Variants in EVI5 observed in about 807,000 individuals in gnomAD.
EVI5 encodes the protein ecotropic viral integration site 5.
Under a neutral mutation model 112.0 loss-of-function variants are expected in EVI5, and 73 were observed. That is an observed-to-expected ratio of 0.65 (90% CI 0.54 to 0.79). The LOEUF is 0.79. Among genes scored for constraint, EVI5 ranks in the 30% least tolerant of loss-of-function variants. EVI5 has a pLI of 0.00. For missense variants in EVI5, 900 were observed against 968.8 expected, an observed-to-expected ratio of 0.93 and a Z score of 0.94; for synonymous variants, 305 against 319.9, an observed-to-expected ratio of 0.95 and a Z score of 0.50.
chr1:92,626,238 C>T (rs777069955), intron 14 of EVI5, among the ~76,000 whole-genome samples: 17 of 152,288 alleles, frequency 1.1e-4, no homozygotes, highest in Admixed American at 3.3e-4. Context: ...CCCTGGCAAC[C>T]ACCAATCTAC....
chr1:92,581,059 C>T (rs1162060330), intron 18 of EVI5, among the ~76,000 whole-genome samples: 3 of 152,126 alleles, frequency 2.0e-5, no homozygotes, highest in Non-Finnish European at 4.4e-5. Flanking sequence ...AATTGTTGTG[C>T]TATTTCTTTT....
intron 2 of EVI5, among the ~76,000 whole-genome samples, chr1:92,730,885 G>T (rs1389148431): frequency 6.6e-6 from 1 of 152,028 alleles, no homozygotes; most frequent in Non-Finnish European, 1.5e-5. Context: ...CATCCAGATT[G>T]GAAAGAAGCA....
At chr1:92,650,260 A>AT (rs1557995964) in intron 13 of EVI5, among the ~76,000 whole-genome samples, 1 of 152,132 alleles carries the variant, frequency 6.6e-6, no homozygotes, top group Non-Finnish European at 1.5e-5. Context: ...TCTGTAGGTG[A>AT]TTTTGGGTAG....
intron 18 of EVI5, among the ~76,000 whole-genome samples, chr1:92,591,734 G>T (rs1673947683): frequency 6.6e-6 from 1 of 152,124 alleles, no homozygotes. Flanking sequence ...TCCAGGAATT[G>T]AACTCAGCTC....
intron 16 of EVI5, among the ~76,000 whole-genome samples, chr1:92,623,924 G>A (rs1372858239): frequency 1.3e-5 from 2 of 152,228 alleles, no homozygotes; most frequent in African/African-American, 4.8e-5. Context: ...ACAGGGCAAT[G>A]CTATGAGTTT....
chr1:92,585,531 G>C (rs1211639673), intron 18 of EVI5, among the ~76,000 whole-genome samples: 1 of 152,034 alleles, frequency 6.6e-6, no homozygotes, highest in African/African-American at 2.4e-5. Flanking sequence ...CTAAAAGGTA[G>C]AAAATATTCC....
chr1:92,782,713 C>G (rs191790634), intron 1 of EVI5, among the ~76,000 whole-genome samples: 112 of 152,280 alleles, frequency 7.4e-4, no homozygotes, highest in Non-Finnish European at 1.2e-3. Flanking sequence ...ACCCACGTAC[C>G]TATAAAACCA....
chr1:92,555,281 C>A (rs1667505992), intron 19 of EVI5, among the ~76,000 whole-genome samples: 1 of 152,116 alleles, frequency 6.6e-6, no homozygotes, highest in South Asian at 2.1e-4. Context: ...CTAATACTTT[C>A]TATTATAAAA....
At chr1:92,771,891 G>A (rs909066325) in intron 1 of EVI5, among the ~76,000 whole-genome samples, 1 of 151,938 alleles carries the variant, frequency 6.6e-6, no homozygotes, top group African/African-American at 2.4e-5. Context: ...GTCTCGCTCT[G>A]TCGCCCAGGC....
intron 2 of EVI5, chr1:92,714,068 AG>A (rs1673245781): frequency 3.0e-6 from 3 of 984,024 alleles, no homozygotes; most frequent in South Asian, 4.7e-5. Context: ...TTAACACACA[AG>A]GGGGAAAAAA....
chr1:92,566,803 C>CA (rs777444096), intron 18 of EVI5, among the ~76,000 whole-genome samples: 6 of 97,880 alleles, frequency 6.1e-5, no homozygotes, highest in Non-Finnish European at 8.2e-5. Flanking sequence ...TGTGTGCCTG[C>CA]TTTTTTTTTT....
intron 17 of EVI5, among the ~76,000 whole-genome samples, chr1:92,606,367 A>G (rs566516270): frequency 6.6e-6 from 1 of 152,232 alleles, no homozygotes; most frequent in Non-Finnish European, 1.5e-5. Context: ...GAAAACTAAC[A>G]CCAATAATAA....
intron 2 of EVI5, chr1:92,732,318 C>T: frequency 5.0e-6 from 2 of 399,254 alleles, no homozygotes; most frequent in Admixed American, 5.5e-5. Context: ...ATCCCAAAGC[C>T]TTACATGACT....
chr1:92,589,686 G>C (rs990896010), intron 18 of EVI5, among the ~76,000 whole-genome samples: 1 of 152,170 alleles, frequency 6.6e-6, no homozygotes, highest in Non-Finnish European at 1.5e-5. Context: ...TCCACCTCTG[G>C]GGGCAGGGCA....
chr1:92,653,791 CAAA>C (rs1284515980), intron 13 of EVI5, among the ~76,000 whole-genome samples: 2 of 152,210 alleles, frequency 1.3e-5, no homozygotes, highest in Non-Finnish European at 2.9e-5. Flanking sequence ...GACTCCAAAA[CAAA>C]GACATTCTGG....
At chr1:92,554,075 C>T (rs1294490666) in intron 19 of EVI5, among the ~76,000 whole-genome samples, 1 of 152,144 alleles carries the variant, frequency 6.6e-6, no homozygotes, top group Non-Finnish European at 1.5e-5. Context: ...AGCTACAATG[C>T]TAGTAGCACC....
At chr1:92,663,119 A>C (rs959500902) in intron 12 of EVI5, among the ~76,000 whole-genome samples, 15 of 152,242 alleles carry the variant, frequency 9.9e-5, no homozygotes, top group African/African-American at 3.4e-4. Flanking sequence ...AATATTACTG[A>C]GTTGTACATG....
At chr1:92,605,130 T>C (rs1650077285) in intron 18 of EVI5, among the ~76,000 whole-genome samples, 177 bp downstream of exon 18, 1 of 152,144 alleles carries the variant, frequency 6.6e-6, no homozygotes, top group Non-Finnish European at 1.5e-5. Flanking sequence ...GCTGCAGAAC[T>C]GTATACTTTA....
At chr1:92,607,928 A>G (rs6668283) in intron 16 of EVI5, among the ~76,000 whole-genome samples, 139,973 of 151,926 alleles carry the variant, frequency 0.92, 64,571 homozygotes, top group East Asian at 0.97. Context: ...GGCGGATCAC[A>G]AGGTCAGGAG....
Sources: allele counts gnomAD v4.1 joint callset (sites outside exome capture counted in the v4.1 genomes callset), GRCh38; gene constraint gnomAD v4.1.1; transcripts MANE v1.5; gene names NCBI Gene and HGNC (gene_info 2026-07-23, HGNC 2026-07-21).